Variants in UNC5C observed in about 807,000 individuals in gnomAD.
The protein encoded by UNC5C is unc-5 netrin receptor C.
In UNC5C, 47 loss-of-function variants were observed where a neutral mutation model predicts 99.8. The ratio of observed to expected loss-of-function variants is 0.47; its 90% CI spans 0.37 to 0.60. The LOEUF (loss-of-function observed/expected upper bound fraction) is 0.60. UNC5C is among the 20% of genes least tolerant of loss of function. The probability of loss-of-function intolerance (pLI) is 0.00; values close to 1 mark genes in which losing one functional copy is unlikely to be tolerated. For missense variants in UNC5C, 1,062 were observed against 1,165.9 expected (o/e 0.91, Z 1.30); for synonymous variants, 487 against 452.2 (o/e 1.08, Z -0.98).
chr4:95,335,331 G>C, intron 2 of UNC5C, 79 bp downstream of exon 2: 1 of 1,288,202 alleles, frequency 7.8e-7, no homozygotes, highest in Non-Finnish European at 1.1e-6. Flanking sequence ...TCCACTAATT[G>C]AAATAACAGT....
chr4:95,287,780 G>C (rs1439393027), intron 3 of UNC5C, among the ~76,000 whole-genome samples: 1 of 152,196 alleles, frequency 6.6e-6, no homozygotes, highest in East Asian at 1.9e-4. Flanking sequence ...TTATGGCCAT[G>C]TTTTTATCCG....
intron 5 of UNC5C, 118 bp downstream of exon 5, chr4:95,250,368 GA>G: frequency 9.0e-7 from 1 of 1,115,188 alleles, no homozygotes; most frequent in Non-Finnish European, 1.3e-6. Flanking sequence ...CTGGGTGACA[GA>G]GCAAGACCCT....
At chr4:95,442,658 C>T (rs916140311) in intron 1 of UNC5C, among the ~76,000 whole-genome samples, 3 of 152,064 alleles carry the variant, frequency 2.0e-5, no homozygotes, top group African/African-American at 7.2e-5. Flanking sequence ...TTCTATTATT[C>T]ACAGCTGGAA....
At chr4:95,463,221 G>A (rs1398327968) in intron 1 of UNC5C, among the ~76,000 whole-genome samples, 3 of 152,152 alleles carry the variant, frequency 2.0e-5, no homozygotes, top group African/African-American at 4.8e-5. Context: ...ACCTACACCC[G>A]CAGACGGGTG....
At chr4:95,506,292 G>A (rs1004573939) in intron 1 of UNC5C, among the ~76,000 whole-genome samples, 1 of 152,010 alleles carries the variant, frequency 6.6e-6, no homozygotes, top group African/African-American at 2.4e-5. Context: ...ATAGTGCTAT[G>A]ACAGTATTTG....
intron 12 of UNC5C, among the ~76,000 whole-genome samples, chr4:95,190,778 G>A (rs1367022370): frequency 1.3e-5 from 2 of 152,156 alleles, no homozygotes; most frequent in Non-Finnish European, 2.9e-5. Context: ...GCGTCCGCCA[G>A]GGATCTGAGC....
intron 1 of UNC5C, among the ~76,000 whole-genome samples, chr4:95,401,940 C>T (rs538437350): frequency 2.6e-5 from 4 of 152,152 alleles, no homozygotes; most frequent in African/African-American, 4.8e-5. Flanking sequence ...GATGCCTTTT[C>T]GAAAGTGGTA....
intron 13 of UNC5C, among the ~76,000 whole-genome samples, chr4:95,184,132 C>G (rs774748539): frequency 3.3e-5 from 5 of 152,106 alleles, no homozygotes; most frequent in Non-Finnish European, 7.4e-5. Context: ...AGTCAGAAGC[C>G]TTCTGTCTCC....
At chr4:95,524,750 G>A (rs1722455486) in intron 1 of UNC5C, among the ~76,000 whole-genome samples, 1 of 152,286 alleles carries the variant, frequency 6.6e-6, no homozygotes, top group Non-Finnish European at 1.5e-5. Context: ...ATAAGACTCA[G>A]AGGCATGCAA....
At chr4:95,189,569 G>A (rs1229621514) in intron 12 of UNC5C, among the ~76,000 whole-genome samples, 2 of 152,178 alleles carry the variant, frequency 1.3e-5, no homozygotes, top group Non-Finnish European at 2.9e-5. Context: ...CAGAATGGGA[G>A]AAAATTTTTG....
chr4:95,219,120 C>A lies in UNC5C; in HGVS notation c.1494G>T (p.Thr498=), dbSNP rs141315686. 1 of 1,614,068 alleles carries A rather than the reference C, an allele frequency of 6.2e-7. No homozygotes were observed. The highest frequency in any genetic ancestry group is 1.7e-5 in the Admixed American group (1 of 59,998). The change falls in exon 9 of 16, where the codon ACG becomes ACT. Residue 498 remains threonine, a synonymous_variant. Transcript: ENST00000453304. ...VTPQDDLSEF[T]SKLSPQMTQS... ...GGGTCATCTGAGGGGACAGCTTGGACGTAAACTCAGAGAGGTCATCTTGGG... is the reference window on the plus strand; with the variant it reads ...GGGTCATCTGAGGGGACAGCTTGGAAGTAAACTCAGAGAGGTCATCTTGGG...
chr4:95,533,431 A>C (rs759085018), intron 1 of UNC5C, among the ~76,000 whole-genome samples: 1 of 151,648 alleles, frequency 6.6e-6, no homozygotes, highest in Non-Finnish European at 1.5e-5. Context: ...TAATATGAAT[A>C]ATATTATTTT....
chr4:95,178,121 A>G (rs1306002815), intron 14 of UNC5C, among the ~76,000 whole-genome samples: 6 of 152,318 alleles, frequency 3.9e-5, no homozygotes, highest in Admixed American at 1.3e-4. Flanking sequence ...CTGTGCTTCC[A>G]CCACTTCACA....
At chr4:95,368,412 T>G (rs891880573) in intron 1 of UNC5C, among the ~76,000 whole-genome samples, 1 of 150,488 alleles carries the variant, frequency 6.6e-6, no homozygotes, top group Non-Finnish European at 1.5e-5. Context: ...AAAATGTAAA[T>G]AAATGAAAAA....
chr4:95,362,827 A>G (rs1744435787), intron 1 of UNC5C, among the ~76,000 whole-genome samples: 1 of 152,178 alleles, frequency 6.6e-6, no homozygotes, highest in Non-Finnish European at 1.5e-5. Flanking sequence ...TAGGCACTCT[A>G]GGGCCTGGGA....
chr4:95,175,650 G>C (rs1449802730), intron 14 of UNC5C, among the ~76,000 whole-genome samples: 1 of 152,192 alleles, frequency 6.6e-6, no homozygotes, highest in East Asian at 1.9e-4. Flanking sequence ...TGGGTAACCC[G>C]ACCTTTCTCT....
At chr4:95,431,023 A>G (rs768763341) in intron 1 of UNC5C, among the ~76,000 whole-genome samples, 2 of 152,058 alleles carry the variant, frequency 1.3e-5, no homozygotes, top group Non-Finnish European at 2.9e-5. Context: ...ACACTTGTGG[A>G]CCCTAAAAGT....
At chr4:95,290,839 T>G (rs1204508045) in intron 3 of UNC5C, among the ~76,000 whole-genome samples, 3 of 152,172 alleles carry the variant, frequency 2.0e-5, no homozygotes, top group Non-Finnish European at 2.9e-5. Flanking sequence ...ACAAACACTT[T>G]CATAATATCA....
chr4:95,239,619 A>G (rs1739256377), intron 7 of UNC5C, among the ~76,000 whole-genome samples: 1 of 152,096 alleles, frequency 6.6e-6, no homozygotes, highest in Admixed American at 6.6e-5. Flanking sequence ...CATTTTTGGC[A>G]TTTGAGGATT....
Sources: allele counts gnomAD v4.1 joint callset (sites outside exome capture counted in the v4.1 genomes callset), GRCh38; gene constraint gnomAD v4.1.1; transcripts MANE v1.5; gene names NCBI Gene and HGNC (gene_info 2026-07-23, HGNC 2026-07-21).